TANK: variants seen among roughly 807,000 people sequenced by gnomAD.
The protein encoded by TANK is TRAF family member associated NFKB activator.
In TANK, 15 loss-of-function variants were observed where a neutral mutation model predicts 43.6. The observed-to-expected ratio is 0.34, with a 90% confidence interval of 0.23 to 0.53. TANK has a LOEUF of 0.53. Among genes scored for constraint, TANK ranks in the 20% least tolerant of loss-of-function variants. The pLI is 0.94. For missense variants in TANK, 417 were observed against 498.6 expected (o/e 0.84, Z 1.56); for synonymous variants, 162 against 178.2 (o/e 0.91, Z 0.73).
chr2:161,166,942 C>T (rs570218881), intron 1 of TANK, among the ~76,000 whole-genome samples: 1 of 152,222 alleles, frequency 6.6e-6, no homozygotes, highest in African/African-American at 2.4e-5. Context: ...AGGCTGGTGG[C>T]TTTCTTTTCT....
At chr2:161,212,051 A>T in intron 4 of TANK, 1 of 835,728 alleles carries the variant, frequency 1.2e-6, no homozygotes, top group Non-Finnish European at 1.4e-6. Context: ...CCAAAGAGTC[A>T]TAATACATAA....
intron 4 of TANK, among the ~76,000 whole-genome samples, chr2:161,220,413 AC>A: frequency 6.6e-6 from 1 of 152,200 alleles, no homozygotes; most frequent in African/African-American, 2.4e-5. Context: ...AACCAGCCTG[AC>A]CAACATGTTG....
intron 7 of TANK, chr2:161,232,771 G>A: frequency 1.9e-6 from 3 of 1,550,384 alleles, no homozygotes; most frequent in South Asian, 1.2e-5. Flanking sequence ...ACCCTGCATT[G>A]TACATTTGCT....
At chr2:161,188,566 A>G (rs547983094) in intron 2 of TANK, among the ~76,000 whole-genome samples, 1 of 152,316 alleles carries the variant, frequency 6.6e-6, no homozygotes, top group South Asian at 2.1e-4. Context: ...CTAGGATGAG[A>G]TAGCTTCACC....
At chr2:161,141,821 T>C (rs1683757286) in intron 1 of TANK, among the ~76,000 whole-genome samples, 1 of 152,240 alleles carries the variant, frequency 6.6e-6, no homozygotes. Flanking sequence ...AGTATAATGA[T>C]GTATATTCCT....
chr2:161,181,526 C>T (rs1558979276), intron 2 of TANK, among the ~76,000 whole-genome samples: 1 of 152,080 alleles, frequency 6.6e-6, no homozygotes, highest in East Asian at 1.9e-4. Context: ...GGCAGCATGA[C>T]TGGGAGGCCT....
chr2:161,150,720 G>C (rs10196839), intron 1 of TANK, among the ~76,000 whole-genome samples: 2 of 150,798 alleles, frequency 1.3e-5, no homozygotes, highest in Non-Finnish European at 3.0e-5. Flanking sequence ...CCAAATAGCC[G>C]GGATTACAGG....
At chr2:161,161,239 G>A (rs1366860290) in intron 1 of TANK, 7 of 1,546,514 alleles carry the variant, frequency 4.5e-6, no homozygotes, top group Non-Finnish European at 6.1e-6. Flanking sequence ...ACGAGCAAAA[G>A]TAAAGCAGCC....
At chr2:161,198,661 A>G (rs1191109475) in intron 2 of TANK, among the ~76,000 whole-genome samples, 1 of 152,250 alleles carries the variant, frequency 6.6e-6, no homozygotes, top group Non-Finnish European at 1.5e-5. Context: ...TCAATCCTTC[A>G]GGTAAGTATA....
At chr2:161,183,358 A>T (rs1050922755) in intron 2 of TANK, among the ~76,000 whole-genome samples, 2 of 150,114 alleles carry the variant, frequency 1.3e-5, no homozygotes, top group Non-Finnish European at 1.5e-5. Context: ...ATTTGAATTT[A>T]TTTTTTTTTT....
At chr2:161,164,163 C>A (rs1302899933) in intron 1 of TANK, among the ~76,000 whole-genome samples, 2 of 152,158 alleles carry the variant, frequency 1.3e-5, no homozygotes, top group African/African-American at 4.8e-5. Context: ...TAAAACCATA[C>A]CTTTGTCCAA....
At chr2:161,141,018 A>G (rs1282506698) in intron 1 of TANK, among the ~76,000 whole-genome samples, 1 of 152,172 alleles carries the variant, frequency 6.6e-6, no homozygotes, top group Admixed American at 6.6e-5. Flanking sequence ...ACTCAAGTCC[A>G]TAGTTTATTC....
At chr2:161,203,314 G>A (rs1686503626) in intron 2 of TANK, among the ~76,000 whole-genome samples, 173 bp from the exon 3 acceptor site, 1 of 152,142 alleles carries the variant, frequency 6.6e-6, no homozygotes, top group African/African-American at 2.4e-5. Context: ...TTGAATCACT[G>A]ATGTTTGTAA....
intron 1 of TANK, among the ~76,000 whole-genome samples, chr2:161,167,113 G>T (rs1261912149): frequency 6.6e-6 from 1 of 152,170 alleles, no homozygotes; most frequent in Non-Finnish European, 1.5e-5. Flanking sequence ...CCAGCAGAGG[G>T]GCCTTGCCTG....
intron 1 of TANK, chr2:161,137,831 G>T (rs1039888276): frequency 6.6e-6 from 1 of 152,160 alleles, no homozygotes; most frequent in East Asian, 1.9e-4. Flanking sequence ...AAAATTAGCC[G>T]GGCATGGTGG....
chr2:161,230,215 C>T (rs1044098193), intron 6 of TANK, among the ~76,000 whole-genome samples: 1 of 152,144 alleles, frequency 6.6e-6, no homozygotes, highest in African/African-American at 2.4e-5. Flanking sequence ...AATTCTGGCT[C>T]CTCAGAAGCT....
At chr2:161,218,557 A>G (rs1262932256) in intron 4 of TANK, among the ~76,000 whole-genome samples, 1 of 152,252 alleles carries the variant, frequency 6.6e-6, no homozygotes, top group East Asian at 1.9e-4. Flanking sequence ...TGCCAGGTGC[A>G]GTGGCGTGCA....
chr2:161,165,525 GT>G (rs1684637975), intron 1 of TANK, among the ~76,000 whole-genome samples: 1 of 152,036 alleles, frequency 6.6e-6, no homozygotes, highest in South Asian at 2.1e-4. Context: ...TGAGATTGTT[GT>G]TTCTCAACCT....
rs1012347723 is a variant in TANK at position 161,208,143 on chromosome 2, T to G, written c.327+3350T>G. 3 of 984,666 alleles carry G rather than the reference T, an allele frequency of 3.0e-6. No individual in the cohort carries two copies. The Admixed American group carries it at 1.8e-4, about 61-fold the overall frequency. The allele number at this position is 984,666 out of a possible 1,614,324, so 61.0% of individuals were successfully genotyped here. A position where few individuals can be genotyped will look rare whatever the true frequency, so the allele number is the denominator to read the frequency against. On this transcript the variant is annotated intron_variant, in intron 4 of 7. Coordinates refer to ENST00000392749, the MANE Select transcript of TANK (RefSeq NM_001199135.3). ...TTAGGATTTTGTTTTGTCAGGATGT[T>G]TGAGAAGGGAAAGACTTGTGGACAT...
Sources: allele counts gnomAD v4.1 joint callset (sites outside exome capture counted in the v4.1 genomes callset), GRCh38; gene constraint gnomAD v4.1.1; transcripts MANE v1.5; gene names NCBI Gene and HGNC (gene_info 2026-07-23, HGNC 2026-07-21).